FGF7: variants seen among roughly 807,000 people sequenced by gnomAD.
The protein encoded by FGF7 is FGF-7.
In FGF7, 6 loss-of-function variants were observed where a neutral mutation model predicts 20.5. That is an observed-to-expected ratio of 0.29 (90% CI 0.16 to 0.58). The LOEUF (loss-of-function observed/expected upper bound fraction) is 0.58, where lower values mean the gene tolerates loss of function less well. Among genes scored for constraint, FGF7 ranks in the 20% least tolerant of loss-of-function variants. The probability of loss-of-function intolerance (pLI) is 0.90; values close to 1 mark genes in which losing one functional copy is unlikely to be tolerated. For missense variants in FGF7, 144 were observed against 228.8 expected (o/e 0.63, Z 2.39); for synonymous variants, 64 against 74.7 (o/e 0.86, Z 0.74).
At chr15:49,474,912 T>TA (rs1017045218) in intron 2 of FGF7, among the ~76,000 whole-genome samples, 4 of 152,200 alleles carry the variant, frequency 2.6e-5, no homozygotes, top group African/African-American at 9.7e-5. Context: ...ACTGTTGGTT[T>TA]AGAGTATCAT....
chr15:49,473,945 G>A (rs777170916), intron 2 of FGF7, among the ~76,000 whole-genome samples: 1 of 152,000 alleles, frequency 6.6e-6, no homozygotes, highest in Non-Finnish European at 1.5e-5. Flanking sequence ...ATCATTTGTT[G>A]CAGGGGAACA....
chr15:49,484,426 A>G lies in FGF7; in HGVS notation c.507A>G (p.Gln169=), dbSNP rs1567369868. 6.3e-7 allele frequency: 1 copy of G among 1,593,006 alleles called. No individual in the cohort carries two copies. The highest frequency in any genetic ancestry group is 8.5e-7 in the Non-Finnish European group (1 of 1,177,688). Residue 169 remains glutamine, a synonymous_variant, in exon 4 of 4, where the codon CAA becomes CAG. Transcript: ENST00000267843. ...GGGAAATGTTTGTTGCCTTAAATCA[A>G]AAGGGGATTCCTGTAAGAGGAAAAA... The part of the protein sequence containing the change: ...NGGEMFVALN[Q]KGIPVRGKKT...
chr15:49,479,557 G>A (rs2055693612), intron 2 of FGF7, among the ~76,000 whole-genome samples: 1 of 147,406 alleles, frequency 6.8e-6, no homozygotes, highest in African/African-American at 2.5e-5. Flanking sequence ...GCAACTTCGT[G>A]GCTTCTGATT....
At chr15:49,428,615 C>T (rs1177012783) in intron 2 of FGF7, among the ~76,000 whole-genome samples, 1 of 151,968 alleles carries the variant, frequency 6.6e-6, no homozygotes, top group African/African-American at 2.4e-5. Flanking sequence ...AGCAGCAGTG[C>T]ACTGGGCACT....
At chr15:49,457,589 A>G (rs983482428) in intron 2 of FGF7, among the ~76,000 whole-genome samples, 1 of 152,012 alleles carries the variant, frequency 6.6e-6, no homozygotes, top group Admixed American at 6.6e-5. Context: ...ATTTCTCAAG[A>G]GGAAAGAAAA....
rs967477506 is a variant in FGF7, at chr15:49,432,732, C to T, written c.286+8149C>T. Among the ~76,000 whole-genome samples, 25 of 151,604 alleles carry T rather than the reference C, an allele frequency of 1.6e-4. 1 individual carries two copies. The highest frequency in any genetic ancestry group is 3.4e-3 in the Middle Eastern group (1 of 294). On this transcript the variant is annotated intron_variant, in intron 2 of 3. Transcript: ENST00000267843. ...AAAGTCAGAAGATTATATATGATTT[C>T]GGACTATTAGAGTAATATTTTGTGC...
rs373240061 is a variant in FGF7 at position 49,424,842 on chromosome 15, A to G, written c.286+259A>G. The G allele has an allele frequency of 8.0e-5, 21 of 263,358 alleles. No individual in the cohort carries two copies. The East Asian group carries it at 1.3e-3, about 16-fold the overall frequency. 16.3% of individuals were successfully genotyped at this position (263,358 alleles called of 1,614,324 possible). A position where few individuals can be genotyped will look rare whatever the true frequency, so the allele number is the denominator to read the frequency against. ...TATACTCCTTGTCCTGAAAATGCTCATAAGTTAAGCAAAATGTAAATAATA... is the reference window on the plus strand; with the variant it reads ...TATACTCCTTGTCCTGAAAATGCTCGTAAGTTAAGCAAAATGTAAATAATA... On this transcript the variant is annotated intron_variant, in intron 2 of 3. Coordinates refer to ENST00000267843, the MANE Select transcript of FGF7 (RefSeq NM_002009.4).
chr15:49,438,834 T>TGAGA (rs34026981), intron 2 of FGF7, among the ~76,000 whole-genome samples: 81,841 of 149,646 alleles, frequency 0.55, 22,664 homozygotes, highest in Middle Eastern at 0.64. Context: ...GCTAAGCAAC[T>TGAGA]GAGAGAGAGA....
At chr15:49,449,502 A>G (rs989342653) in intron 2 of FGF7, among the ~76,000 whole-genome samples, 1 of 152,030 alleles carries the variant, frequency 6.6e-6, no homozygotes, top group African/African-American at 2.4e-5. Context: ...CACCTAAAAT[A>G]GGATACCCAG....
At chr15:49,458,376 T>G (rs1174707488) in intron 2 of FGF7, among the ~76,000 whole-genome samples, 1 of 152,080 alleles carries the variant, frequency 6.6e-6, no homozygotes, top group Non-Finnish European at 1.5e-5. Context: ...TCACTTAAAC[T>G]CATAAACATG....
chr15:49,487,571 CCAAAGA>C lies in FGF7; in HGVS notation c.*3068_*3073del, dbSNP rs1302835966. 2 of 151,710 alleles carry C rather than the reference CCAAAGA, an allele frequency of 1.3e-5. No individual in the cohort carries two copies. Among genetic ancestry groups the C allele is most frequent in the African/African-American group, 4.8e-5 (2 of 41,314 alleles). The allele number at this position is 151,710 out of a possible 1,614,324, so 9.4% of individuals were successfully genotyped here. A position where few individuals can be genotyped will look rare whatever the true frequency, so the allele number is the denominator to read the frequency against. On this transcript the variant is annotated 3_prime_UTR_variant, in exon 4 of 4. Coordinates refer to ENST00000267843, the MANE Select transcript of FGF7 (RefSeq NM_002009.4). ...TTTGCTCTTCTGGTTCTCTAGACTG[CCAAAGA>C]ACATAAAGATGTGCGAGGGGACCTA...
chr15:49,425,488 T>G (rs1391183150), intron 2 of FGF7: 1 of 151,924 alleles, frequency 6.6e-6, no homozygotes, highest in Non-Finnish European at 1.5e-5. Context: ...AAAAATAAAT[T>G]TTGTTTACAT....
At position 49,424,386 on chromosome 15, in the gene FGF7, T is replaced by C; in HGVS notation, c.89T>C (p.Leu30Ser). The part of the protein sequence containing the change: ...HIICLVGTIS[L>S]ACNDMTPEQM... Reference sequence around the variant, plus strand: ...ATCTGTCTAGTGGGTACTATATCTTTAGCTTGCAATGACATGACTCCAGAG... The same window carrying C: ...ATCTGTCTAGTGGGTACTATATCTTCAGCTTGCAATGACATGACTCCAGAG... The change falls in exon 2 of 4, where the codon TTA becomes TCA. Residue 30 changes from leucine to serine, a missense_variant. Leu to Ser is a moderately radical substitution (Grantham distance 145). This residue lies in a region of FGF7 where 88 missense variants were observed against 103.4 expected (regional missense o/e 0.85). Transcript: ENST00000267843. 1 of 1,613,718 alleles carries C rather than the reference T, an allele frequency of 6.2e-7. No homozygotes were observed.
chr15:49,428,227 C>G lies in FGF7; in HGVS notation c.286+3644C>G, dbSNP rs2050295479. Among the ~76,000 whole-genome samples the G allele has an allele frequency of 2.0e-5, 3 of 151,976 alleles. No homozygotes were observed. The South Asian group carries it at 6.2e-4, about 32-fold the overall frequency. ...TTACCCAGGAGGCAGAAAGTCTCTC[C>G]CCTTTACTTATCTCTCTGGTGGCTT... On this transcript the variant is annotated intron_variant, in intron 2 of 3. Coordinates refer to ENST00000267843, the MANE Select transcript of FGF7 (RefSeq NM_002009.4).
chr15:49,476,723 A>C (rs531926597), intron 2 of FGF7, among the ~76,000 whole-genome samples: 2 of 152,340 alleles, frequency 1.3e-5, no homozygotes, highest in South Asian at 4.1e-4. Context: ...TTTAAAAATT[A>C]GTAGACTTTG....
At chr15:49,478,793 G>A (rs2055609533) in intron 2 of FGF7, among the ~76,000 whole-genome samples, 1 of 152,036 alleles carries the variant, frequency 6.6e-6, no homozygotes, top group African/African-American at 2.4e-5. Context: ...GCTGAGATTG[G>A]TGGGCATGGA....
chr15:49,445,234 T>C (rs995137538), intron 2 of FGF7, among the ~76,000 whole-genome samples: 2 of 151,650 alleles, frequency 1.3e-5, no homozygotes, highest in African/African-American at 2.4e-5. Context: ...GTACTGAGCA[T>C]AGTACCCAAT....
intron 2 of FGF7, among the ~76,000 whole-genome samples, chr15:49,439,547 A>G (rs888873875): frequency 1.3e-5 from 2 of 151,788 alleles, no homozygotes; most frequent in Non-Finnish European, 2.9e-5. Context: ...TTTTTAGTCA[A>G]GTTGAAATTC....
At chr15:49,474,652 G>A (rs1291751991) in intron 2 of FGF7, among the ~76,000 whole-genome samples, 3 of 152,070 alleles carry the variant, frequency 2.0e-5, no homozygotes, top group Non-Finnish European at 4.4e-5. Flanking sequence ...CCCCTGGGCT[G>A]GGGACCGGTA....
Sources: gnomAD v4.1 joint callset for allele counts (sites outside exome capture counted in the v4.1 genomes callset) on GRCh38, gnomAD v4.1.1 for gene constraint, gnomAD v4.1.1 regional missense constraint, MANE v1.5 for transcripts, NCBI Gene and HGNC (gene_info 2026-07-23, HGNC 2026-07-21) for gene names.